ZNF322: variants seen among roughly 807,000 people sequenced by gnomAD.
ZNF322 encodes the protein zinc finger protein 322, also known as HLA complex group 12.
ZNF322 carries 1 observed loss-of-function variant against 18.3 expected under a neutral mutation model. The observed-to-expected ratio is 0.05, with a 90% confidence interval of 0.02 to 0.26. The LOEUF (loss-of-function observed/expected upper bound fraction) is 0.26. Among genes scored for constraint, ZNF322 ranks in the 10% least tolerant of loss-of-function variants. ZNF322 has a pLI of 1.00. For synonymous variants in ZNF322, 17 were observed against 130.7 expected, an observed-to-expected ratio of 0.13 and a Z score of 5.93; for missense variants, 36 against 403.6, an observed-to-expected ratio of 0.09 and a Z score of 7.80.
At chr6:26,649,194 G>A (rs1172850906) in intron 2 of ZNF322, among the ~76,000 whole-genome samples, 2 of 152,164 alleles carry the variant, frequency 1.3e-5, no homozygotes, top group East Asian at 3.8e-4. Flanking sequence ...GACAGACTAT[G>A]AAGGGTAACT....
intron 2 of ZNF322, among the ~76,000 whole-genome samples, chr6:26,649,037 A>T (rs1765605392): frequency 6.6e-6 from 1 of 152,268 alleles, no homozygotes; most frequent in African/African-American, 2.4e-5. Flanking sequence ...AGAATTGAGT[A>T]GTCACAATAG....
intron 2 of ZNF322, among the ~76,000 whole-genome samples, chr6:26,650,203 C>T (rs1486824696): frequency 6.6e-6 from 1 of 151,954 alleles, no homozygotes; most frequent in Non-Finnish European, 1.5e-5. Flanking sequence ...ATAAAAATGT[C>T]CCTTAAATAT....
At chr6:26,641,019 A>C (rs1765457802) in intron 3 of ZNF322, among the ~76,000 whole-genome samples, 1 of 152,210 alleles carries the variant, frequency 6.6e-6, no homozygotes, top group Admixed American at 6.5e-5. Flanking sequence ...CAGGAAGTCA[A>C]AAGGATCCAA....
At chr6:26,658,191 T>A (rs1358947293) in intron 2 of ZNF322, among the ~76,000 whole-genome samples, 1 of 152,014 alleles carries the variant, frequency 6.6e-6, no homozygotes, top group South Asian at 2.1e-4. Flanking sequence ...ACCTGATGCT[T>A]AGGGCAGTTA....
chr6:26,655,303 A>G (rs1765748901), intron 2 of ZNF322, among the ~76,000 whole-genome samples: 1 of 152,242 alleles, frequency 6.6e-6, no homozygotes, highest in African/African-American at 2.4e-5. Flanking sequence ...TTATTGTATG[A>G]ATGTTAATTT....
chr6:26,638,106 T>C lies in ZNF322; in HGVS notation c.448A>G (p.Thr150Ala). ...CTACATAGATATGGTTTCTCGCCAG[T>C]ATGGCTTCGCTGGTGGACAAGCAGA... ...SDLLVHQRSH[T>A]GEKPYLCSEC... Residue 150 changes from threonine to alanine, a missense_variant, in exon 4 of 4, where the codon ACT (threonine) becomes GCT (alanine). Physicochemically the swap from Thr to Ala is moderately conservative, Grantham distance 58. Coordinates refer to ENST00000415922, the MANE Select transcript of ZNF322 (RefSeq NM_024639.5). 6.3e-7 allele frequency: 1 copy of C among 1,592,922 alleles called. No homozygotes were observed. The highest frequency in any genetic ancestry group is 1.1e-5 in the South Asian group (1 of 90,322).
chr6:26,652,864 T>C (rs1341852323), intron 2 of ZNF322, among the ~76,000 whole-genome samples: 3 of 152,132 alleles, frequency 2.0e-5, no homozygotes, highest in South Asian at 4.1e-4. Context: ...GTGTGCTATG[T>C]GTGTGGTATG....
intron 2 of ZNF322, among the ~76,000 whole-genome samples, chr6:26,655,867 C>G (rs1765760811): frequency 6.6e-6 from 1 of 152,126 alleles, no homozygotes; most frequent in Non-Finnish European, 1.5e-5. Context: ...TCACTAGATG[C>G]CAGCCCCCGT....
chr6:26,651,077 G>A (rs1765660189), intron 2 of ZNF322, among the ~76,000 whole-genome samples: 1 of 152,030 alleles, frequency 6.6e-6, no homozygotes, highest in South Asian at 2.1e-4. Flanking sequence ...AGAAAGTGTG[G>A]TAATGGTGAA....
At chr6:26,649,360 C>T (rs912195029) in intron 2 of ZNF322, among the ~76,000 whole-genome samples, 2 of 151,864 alleles carry the variant, frequency 1.3e-5, no homozygotes, top group African/African-American at 4.8e-5. Flanking sequence ...CTCAAATCAC[C>T]AGGGCAAAAA....
intron 2 of ZNF322, among the ~76,000 whole-genome samples, chr6:26,655,824 C>G (rs1294148778): frequency 6.6e-6 from 1 of 152,130 alleles, no homozygotes. Context: ...TCTCTTTGCC[C>G]TTTTGCCATG....
intron 2 of ZNF322, among the ~76,000 whole-genome samples, chr6:26,652,318 A>T (rs148460242): frequency 2.0e-5 from 3 of 152,354 alleles, no homozygotes; most frequent in African/African-American, 7.2e-5. Context: ...TATTCCAAAC[A>T]TTTAAAAATC....
At chr6:26,650,671 AAC>A (rs1431115215) in intron 2 of ZNF322, among the ~76,000 whole-genome samples, 1 of 152,198 alleles carries the variant, frequency 6.6e-6, no homozygotes, top group African/African-American at 2.4e-5. Context: ...TGAAATTAAA[AAC>A]ACAATACCAT....
chr6:26,648,994 G>T (rs1324645099), intron 2 of ZNF322, among the ~76,000 whole-genome samples: 1 of 152,172 alleles, frequency 6.6e-6, no homozygotes, highest in African/African-American at 2.4e-5. Context: ...TACTGAAATA[G>T]GGTCATACTT....
intron 2 of ZNF322, among the ~76,000 whole-genome samples, chr6:26,653,678 T>C (rs1353422753): frequency 6.6e-6 from 1 of 152,086 alleles, no homozygotes; most frequent in Non-Finnish European, 1.5e-5. Flanking sequence ...TATGTAGTTC[T>C]CCACTTGCCC....
At chr6:26,645,370 AAAGAG>A (rs1193481475) in intron 2 of ZNF322, among the ~76,000 whole-genome samples, 123 of 152,358 alleles carry the variant, frequency 8.1e-4, no homozygotes, top group African/African-American at 2.7e-3. Flanking sequence ...AATGAGAGGT[AAAGAG>A]AAGAGAGCTA....
chr6:26,639,005 A>G (rs1765419348), intron 3 of ZNF322, among the ~76,000 whole-genome samples: 1 of 152,212 alleles, frequency 6.6e-6, no homozygotes, highest in Non-Finnish European at 1.5e-5. Context: ...TGAGAAATCA[A>G]GACAAGACTA....
chr6:26,639,391 G>C (rs1159852704), intron 3 of ZNF322, among the ~76,000 whole-genome samples: 1 of 152,104 alleles, frequency 6.6e-6, no homozygotes, highest in Non-Finnish European at 1.5e-5. Context: ...CACATAACTT[G>C]CTCAAAAAGA....
intron 2 of ZNF322, among the ~76,000 whole-genome samples, chr6:26,655,774 A>G (rs782464939): frequency 6.6e-6 from 1 of 152,114 alleles, no homozygotes; most frequent in Non-Finnish European, 1.5e-5. Flanking sequence ...CAAAAAGATG[A>G]GTTTGGTCCC....
Sources: gnomAD v4.1 joint callset for allele counts (sites outside exome capture counted in the v4.1 genomes callset) on GRCh38, gnomAD v4.1.1 for gene constraint, MANE v1.5 for transcripts, NCBI Gene and HGNC (gene_info 2026-07-23, HGNC 2026-07-21) for gene names.